The following EYS variants were observed in gnomAD, a reference collection of about 807,000 sequenced individuals.
EYS encodes the protein EGF-like photoreceptor maintenance factor, also known as protein eyes shut homolog.
EYS carries 250 observed loss-of-function variants against 282.1 expected under a neutral mutation model. That is an observed-to-expected ratio of 0.89 (90% CI 0.80 to 0.98). The LOEUF (loss-of-function observed/expected upper bound fraction) is 0.98. EYS is among the 50% of genes least tolerant of loss of function. The pLI, the probability that EYS is intolerant of heterozygous loss-of-function variation, is 0.00. For missense variants in EYS, 4,016 were observed against 3,709.0 expected (o/e 1.08, Z -2.15); for synonymous variants, 1,355 against 1,282.9 (o/e 1.06, Z -1.20).
At chr6:64,885,180 A>T (rs1767049637) in intron 19 of EYS, among the ~76,000 whole-genome samples, 1 of 151,728 alleles carries the variant, frequency 6.6e-6, no homozygotes, top group Non-Finnish European at 1.5e-5. Flanking sequence ...TCTATTAAGG[A>T]TAACAATTAA....
intron 5 of EYS, among the ~76,000 whole-genome samples, chr6:65,445,239 T>C (rs1282172388): frequency 6.6e-6 from 1 of 151,920 alleles, no homozygotes; most frequent in Non-Finnish European, 1.5e-5. Context: ...CTTATAACTT[T>C]TTGTACTAGG....
At chr6:65,223,483 T>A (rs775548893) in intron 12 of EYS, among the ~76,000 whole-genome samples, 43 of 152,200 alleles carry the variant, frequency 2.8e-4, no homozygotes, top group Non-Finnish European at 5.1e-4. Context: ...TTAGTGCTAT[T>A]TGTGGAGATA....
At chr6:65,408,993 A>G (rs905475983) in intron 5 of EYS, among the ~76,000 whole-genome samples, 4 of 152,056 alleles carry the variant, frequency 2.6e-5, no homozygotes, top group Non-Finnish European at 5.9e-5. Flanking sequence ...TGTTTATAAT[A>G]ATTTCCAGAT....
chr6:64,389,501 C>A (rs887137130), intron 28 of EYS, among the ~76,000 whole-genome samples: 14 of 152,148 alleles, frequency 9.2e-5, no homozygotes, highest in African/African-American at 3.1e-4. Context: ...GCAAACTATA[C>A]CCTAGGCCAA....
intron 30 of EYS, among the ~76,000 whole-genome samples, chr6:64,249,948 A>C (rs1266127115): frequency 1.7e-4 from 26 of 152,222 alleles, no homozygotes. Context: ...GTAGAGAAAA[A>C]TGGAGAACAG....
chr6:64,140,178 TG>T (rs1774296148), intron 31 of EYS, among the ~76,000 whole-genome samples: 1 of 152,172 alleles, frequency 6.6e-6, no homozygotes, highest in African/African-American at 2.4e-5. Context: ...ATTCTATTCC[TG>T]GGGTAACCCC....
intron 19 of EYS, among the ~76,000 whole-genome samples, chr6:64,829,204 G>A (rs1460595705): frequency 6.6e-6 from 1 of 151,958 alleles, no homozygotes; most frequent in African/African-American, 2.4e-5. Context: ...ATGCAGAAGA[G>A]GCATTAAATA....
intron 7 of EYS, among the ~76,000 whole-genome samples, chr6:65,389,095 G>A (rs1325549860): frequency 6.6e-6 from 1 of 152,050 alleles, no homozygotes; most frequent in East Asian, 1.9e-4. Flanking sequence ...CTCTTTGCAT[G>A]TGCCCTTGTG....
chr6:64,277,780 G>C (rs1005839790), intron 30 of EYS, among the ~76,000 whole-genome samples: 12 of 152,054 alleles, frequency 7.9e-5, no homozygotes, highest in African/African-American at 2.9e-4. Flanking sequence ...CAAAGTGTTT[G>C]GATAGGCTCA....
chr6:64,910,740 A>C (rs1254459459), intron 16 of EYS, among the ~76,000 whole-genome samples: 1 of 152,068 alleles, frequency 6.6e-6, no homozygotes, highest in East Asian at 1.9e-4. Flanking sequence ...TCAATATATG[A>C]CTAGAGGGTT....
rs568195928 is a variant in EYS, at chr6:65,362,791, G to T, written c.1300-9174C>A. Among the ~76,000 whole-genome samples, 18 of 151,958 alleles carry T rather than the reference G, an allele frequency of 1.2e-4. 1 individual carries two copies. Among genetic ancestry groups the T allele is most frequent in the Middle Eastern group, 3.4e-3 (1 of 294 alleles). ...GTGTAATATTCTCCAGTGCTATACT[G>T]TTCTCTGATTCTGATGTATTTATTT... On this transcript the variant is annotated intron_variant, in intron 8 of 42. Coordinates refer to ENST00000503581, the MANE Select transcript of EYS (RefSeq NM_001142800.2).
intron 35 of EYS, among the ~76,000 whole-genome samples, chr6:63,886,626 A>T (rs1482449): frequency 0.36 from 55,264 of 151,950 alleles, 10,482 homozygotes; most frequent in South Asian, 0.47. Context: ...TCTGCTTTGA[A>T]TTTTTTTTAG....
At chr6:64,564,143 C>T (rs968458844) in intron 26 of EYS, among the ~76,000 whole-genome samples, 33 of 151,774 alleles carry the variant, frequency 2.2e-4, no homozygotes, top group African/African-American at 8.0e-4. Flanking sequence ...CATAGTAATG[C>T]TGTTTTTAAG....
At position 63,799,682 on chromosome 6, in the gene EYS, T is replaced by A. The variant is rs1770737023; in HGVS notation, c.7411+6508A>T. Among the ~76,000 whole-genome samples the A allele has an allele frequency of 2.0e-5, 3 of 152,256 alleles. No homozygotes were observed. The South Asian group carries it at 6.2e-4, about 31-fold the overall frequency. ...GATTATGAAATTGCTGCTATTCTAA[T>A]GCTTTGATTTATGAAAATGGTACCT... On this transcript the variant is annotated intron_variant, in intron 37 of 42. Transcript: ENST00000503581.
intron 2 of EYS, among the ~76,000 whole-genome samples, chr6:65,581,559 T>C (rs887573601): frequency 6.6e-6 from 1 of 152,152 alleles, no homozygotes; most frequent in Admixed American, 6.6e-5. Context: ...ACAAAAATGT[T>C]GCTTTACAAC....
chr6:64,032,892 C>T (rs1453507055), intron 33 of EYS, among the ~76,000 whole-genome samples: 1 of 152,178 alleles, frequency 6.6e-6, no homozygotes, highest in East Asian at 1.9e-4. Context: ...ATTGTTTTAA[C>T]ATTTTTATGG....
rs150031402 is a variant in EYS at position 64,312,976 on chromosome 6, C to T, written c.6079-5894G>A. 8.3e-3 allele frequency among the ~76,000 whole-genome samples: 464 copies of T among 55,666 alleles called. 2 individuals carry two copies. Among genetic ancestry groups the T allele is most frequent in the African/African-American group, 0.019 (431 of 22,256 alleles). 36.5% of individuals were successfully genotyped at this position (55,666 alleles called of 152,430 possible). ...TCCAAAAACCAGAATGCCTCTTCTT[C>T]TCCAAAGGATCACAACTCCTTGCAG... On this transcript the variant is annotated intron_variant, in intron 29 of 42. Coordinates refer to ENST00000503581, the MANE Select transcript of EYS (RefSeq NM_001142800.2).
intron 14 of EYS, among the ~76,000 whole-genome samples, chr6:64,960,288 T>C (rs186999106): frequency 6.6e-6 from 1 of 152,276 alleles, no homozygotes; most frequent in East Asian, 1.9e-4. Context: ...AAATAGTTAC[T>C]TTATAGTCAT....
intron 33 of EYS, among the ~76,000 whole-genome samples, chr6:64,018,479 A>T (rs1769001651): frequency 6.6e-6 from 1 of 152,138 alleles, no homozygotes; most frequent in South Asian, 2.1e-4. Context: ...ATAAACTAAT[A>T]CTCATAGGTT....
Sources: allele counts gnomAD v4.1 joint callset (sites outside exome capture counted in the v4.1 genomes callset), GRCh38; gene constraint gnomAD v4.1.1; transcripts MANE v1.5; gene names NCBI Gene and HGNC (gene_info 2026-07-23, HGNC 2026-07-21).